TRHDE: variants seen among roughly 807,000 people sequenced by gnomAD.
TRHDE encodes the protein thyrotropin releasing hormone degrading enzyme, also known as thyrotropin-releasing hormone-degrading ectoenzyme.
In TRHDE, 72 loss-of-function variants were observed where a neutral mutation model predicts 125.7. That is an observed-to-expected ratio of 0.57 (90% CI 0.47 to 0.70). The LOEUF (loss-of-function observed/expected upper bound fraction) is 0.70, where lower values mean the gene tolerates loss of function less well. Ranked by LOEUF, TRHDE falls within the 30% of genes least tolerant of loss-of-function variation. The pLI, the probability that TRHDE is intolerant of heterozygous loss-of-function variation, is 0.00. For synonymous variants in TRHDE, 509 were observed against 509.1 expected, an observed-to-expected ratio of 1.00 and a Z score of 0.00; for missense variants, 1,110 against 1,327.1, an observed-to-expected ratio of 0.84 and a Z score of 2.54.
At chr12:72,277,972 G>T (rs1487449008) in intron 1 of TRHDE, among the ~76,000 whole-genome samples, 1 of 152,034 alleles carries the variant, frequency 6.6e-6, no homozygotes, top group Non-Finnish European at 1.5e-5. Flanking sequence ...ACTCTCAGCA[G>T]TTTTCAAGAA....
intron 2 of TRHDE, among the ~76,000 whole-genome samples, chr12:72,185,852 G>A (rs1365371858): frequency 1.3e-5 from 2 of 151,688 alleles, no homozygotes; most frequent in Non-Finnish European, 2.9e-5. Context: ...TTAGCTCAAG[G>A]TTTGTGAATG....
At chr12:72,437,705 T>C (rs1192933006) in intron 3 of TRHDE, among the ~76,000 whole-genome samples, 1 of 151,832 alleles carries the variant, frequency 6.6e-6, no homozygotes, top group Non-Finnish European at 1.5e-5. Context: ...CAACATAATA[T>C]TTTGAAATAT....
chr12:72,572,402 A>G (rs12310446), intron 10 of TRHDE, among the ~76,000 whole-genome samples: 40,437 of 152,008 alleles, frequency 0.27, 8,112 homozygotes, highest in African/African-American at 0.54. Flanking sequence ...TATTATTGCC[A>G]GCATCAAGAT....
chr12:72,243,353 C>T (rs920183859), intron 2 of TRHDE, among the ~76,000 whole-genome samples: 1 of 152,076 alleles, frequency 6.6e-6, no homozygotes, highest in African/African-American at 2.4e-5. Context: ...CTTCTATTGT[C>T]ATCTATTTTC....
intron 12 of TRHDE, among the ~76,000 whole-genome samples, chr12:72,592,340 A>G (rs901985023): frequency 1.1e-4 from 16 of 152,096 alleles, no homozygotes; most frequent in African/African-American, 3.4e-4. Flanking sequence ...TATATTTCTT[A>G]CCTGAGTTTT....
At chr12:72,335,970 G>C (rs975579293) in intron 2 of TRHDE, among the ~76,000 whole-genome samples, 3 of 152,134 alleles carry the variant, frequency 2.0e-5, no homozygotes, top group African/African-American at 7.2e-5. Flanking sequence ...AAAAGTAAAA[G>C]TTGTAAATTT....
intron 3 of TRHDE, among the ~76,000 whole-genome samples, chr12:72,449,044 A>G (rs2135867194): frequency 6.6e-6 from 1 of 152,056 alleles, no homozygotes; most frequent in East Asian, 1.9e-4. Context: ...CTTAATTTGA[A>G]CATGTCAACA....
rs780476629 is a variant in TRHDE at position 72,621,625 on chromosome 12, C to G, written c.2568-19C>G. ...CCCTAACTTTCTTTTTAATTTGTTT[C>G]CCTTTTGATGATATCTAGAGAACTA... On this transcript the variant is annotated intron_variant, in intron 14 of 18. Coordinates refer to ENST00000261180, the MANE Select transcript of TRHDE (RefSeq NM_013381.3). The G allele has an allele frequency of 3.9e-6, 6 of 1,546,424 alleles. No individual in the cohort carries two copies. The African/African-American group carries it at 4.2e-5, about 11-fold the overall frequency.
At chr12:72,299,784 C>T (rs1263346002) in intron 2 of TRHDE, among the ~76,000 whole-genome samples, 1 of 151,962 alleles carries the variant, frequency 6.6e-6, no homozygotes, top group African/African-American at 2.4e-5. Flanking sequence ...AGGAGCCAGA[C>T]AATAAGACAA....
In TRHDE at chr12:72,272,968, C is replaced by A. The variant is rs1363989293; in HGVS notation, c.325C>A (p.Arg109Ser). ...AATGCTCGCTGTGCTGCTCAGCCTG[C>A]GCTTCGACGAGTGCGGGGCGAGTGC... is the stretch of plus-strand genomic sequence containing the variant. The part of the protein sequence containing the change: ...VTMLAVLLSL[R>S]FDECGASATP... The change falls in exon 1 of 19, where the codon CGC becomes AGC. Residue 109 changes from arginine (R) to serine (S), a missense_variant. Arg to Ser is a moderately radical substitution (Grantham distance 110, BLOSUM62 -1). This residue lies in a region of TRHDE where 248 missense variants were observed against 240.8 expected (regional missense o/e 1.03). Transcript: ENST00000261180. This position sits in a 1 kb window ranked among gnomAD's most constrained non-coding sequence, Gnocchi z 6.7. 3 of 1,565,786 alleles carry A rather than the reference C, an allele frequency of 1.9e-6. No homozygotes were observed. Among genetic ancestry groups the A allele is most frequent in the Non-Finnish European group, 2.6e-6 (3 of 1,162,754 alleles).
intron 16 of TRHDE, 34 bp from the exon 17 acceptor site, chr12:72,652,982 G>T (rs1874565704): frequency 3.2e-6 from 5 of 1,566,944 alleles, no homozygotes; most frequent in Middle Eastern, 1.7e-4. Flanking sequence ...TAAGTTATTG[G>T]ACTAAAAATT....
chr12:72,312,771 C>T (rs77108872), intron 2 of TRHDE, among the ~76,000 whole-genome samples: 12 of 152,224 alleles, frequency 7.9e-5, no homozygotes, highest in East Asian at 7.7e-4. Context: ...ACATCAGCTT[C>T]GTAGATTATA....
chr12:72,510,057 GC>G (rs1442565326), intron 6 of TRHDE, among the ~76,000 whole-genome samples: 1 of 152,022 alleles, frequency 6.6e-6, no homozygotes, highest in African/African-American at 2.4e-5. Context: ...TGACCCCTCA[GC>G]CCTGGACCTC....
At chr12:72,470,614 A>G (rs1045562139) in intron 4 of TRHDE, among the ~76,000 whole-genome samples, 1 of 152,310 alleles carries the variant, frequency 6.6e-6, no homozygotes, top group East Asian at 1.9e-4. Context: ...GCCAATAGAA[A>G]GTGATACCTG....
intron 12 of TRHDE, among the ~76,000 whole-genome samples, chr12:72,587,115 T>TA (rs767436802): frequency 2.7e-4 from 41 of 152,298 alleles, no homozygotes; most frequent in Non-Finnish European, 4.9e-4. Flanking sequence ...AAATATTACT[T>TA]ATCCTTTTTC....
At chr12:72,534,529 G>T (rs1212156642) in intron 6 of TRHDE, among the ~76,000 whole-genome samples, 2 of 152,088 alleles carry the variant, frequency 1.3e-5, no homozygotes, top group Non-Finnish European at 2.9e-5. Flanking sequence ...CTTGACAGGG[G>T]AGATTGACTA....
chr12:72,412,959 G>A (rs952934987), intron 3 of TRHDE, among the ~76,000 whole-genome samples: 2 of 152,050 alleles, frequency 1.3e-5, no homozygotes, highest in African/African-American at 4.8e-5. Flanking sequence ...GAAATGGGCA[G>A]TGATCGGGGT....
rs1875086975 is a variant in TRHDE, at chr12:72,665,651, A to C, written c.*2456A>C. On this transcript the variant is annotated 3_prime_UTR_variant, in exon 19 of 19. Coordinates refer to ENST00000261180, the MANE Select transcript of TRHDE (RefSeq NM_013381.3). ...ATTCTATTTTCTACTTAGAGTTTTT[A>C]TCTTTTCTTTTTTGTCGGCTTTACA... is the stretch of plus-strand genomic sequence containing the variant. The C allele has an allele frequency of 2.0e-5, 3 of 152,016 alleles. No individual in the cohort carries two copies. The highest frequency in any genetic ancestry group is 7.2e-5 in the African/African-American group (3 of 41,430). 9.4% of individuals were successfully genotyped at this position (152,016 alleles called of 1,614,324 possible).
intron 12 of TRHDE, among the ~76,000 whole-genome samples, chr12:72,615,757 A>T (rs1179770953): frequency 6.6e-6 from 1 of 152,090 alleles, no homozygotes; most frequent in East Asian, 1.9e-4. Context: ...ACCCCAAAAC[A>T]CATTTGGATA....
Sources: gnomAD v4.1 joint callset for allele counts (sites outside exome capture counted in the v4.1 genomes callset) on GRCh38, gnomAD v4.1.1 for gene constraint, gnomAD v4.1.1 regional missense constraint, Gnocchi (gnomAD v3.1) non-coding constraint, MANE v1.5 for transcripts, NCBI Gene and HGNC (gene_info 2026-07-23, HGNC 2026-07-21) for gene names.